KLRF2: variants seen among roughly 807,000 people sequenced by gnomAD.
The protein encoded by KLRF2 is killer cell lectin like receptor F2.
KLRF2 carries 28 observed loss-of-function variants against 25.3 expected under a neutral mutation model. The observed-to-expected ratio is 1.11, with a 90% CI of 0.82 to 1.52. KLRF2 has a LOEUF of 1.52. KLRF2 is among the 40% of genes most tolerant of loss of function. The pLI is 0.00. For missense variants in KLRF2, 265 were observed against 245.8 expected (o/e 1.08, Z -0.52); for synonymous variants, 73 against 85.0 (o/e 0.86, Z 0.78).
At chr12:9,886,086 A>G (rs1482906764) in intron 2 of KLRF2, among the ~76,000 whole-genome samples, 1 of 152,188 alleles carries the variant, frequency 6.6e-6, no homozygotes, top group African/African-American at 2.4e-5. Flanking sequence ...TGCAATAATT[A>G]TTCTTTTAAA....
intron 5 of KLRF2, among the ~76,000 whole-genome samples, chr12:9,895,435 C>T (rs1029250847): frequency 2.6e-5 from 4 of 152,052 alleles, no homozygotes; most frequent in Non-Finnish European, 5.9e-5. Flanking sequence ...GTCTTGCAGG[C>T]GTAGATAATG....
At position 9,885,711 on chromosome 12, in the gene KLRF2, A is replaced by C. The variant is rs527985359; in HGVS notation, c.169+679A>C. On this transcript the variant is annotated intron_variant, in intron 2 of 5. Coordinates refer to ENST00000535540, the MANE Select transcript of KLRF2 (RefSeq NM_001190765.1). ...CAAGGGAAAATATCAGACTTTTCTC[A>C]GACCAAAGATATATCCTACTTAATG... is the stretch of plus-strand genomic sequence containing the variant. 5.3e-5 allele frequency among the ~76,000 whole-genome samples: 8 copies of C among 152,154 alleles called. No individual in the cohort carries two copies. The East Asian group carries it at 1.5e-3, about 29-fold the overall frequency.
At chr12:9,889,048 A>ATT in intron 3 of KLRF2, among the ~76,000 whole-genome samples, 1 of 152,200 alleles carries the variant, frequency 6.6e-6, no homozygotes, top group Non-Finnish European at 1.5e-5. Context: ...TGCCATACCT[A>ATT]ACTTGCCAAA....
intron 5 of KLRF2, among the ~76,000 whole-genome samples, chr12:9,893,842 A>G (rs1269005883): frequency 6.6e-6 from 1 of 152,150 alleles, no homozygotes; most frequent in Non-Finnish European, 1.5e-5. Context: ...AAGCTGATTT[A>G]AATCTCATTT....
chr12:9,893,654 C>G (rs570406748), intron 5 of KLRF2, 113 bp downstream of exon 5: 2 of 439,778 alleles, frequency 4.5e-6, no homozygotes, highest in South Asian at 1.6e-4. Context: ...CTTATCTTTA[C>G]ATTTTTTTCT....
chr12:9,887,022 CATAA>C (rs1466382478), intron 2 of KLRF2, among the ~76,000 whole-genome samples: 1 of 151,276 alleles, frequency 6.6e-6, no homozygotes, highest in Non-Finnish European at 1.5e-5. Flanking sequence ...AGAAAAAAAA[CATAA>C]ATAAATATAA....
intron 1 of KLRF2, among the ~76,000 whole-genome samples, chr12:9,881,984 T>C (rs1220501088): frequency 6.6e-6 from 1 of 152,042 alleles, no homozygotes; most frequent in Non-Finnish European, 1.5e-5. Flanking sequence ...TTAAAGTTTA[T>C]ATAAACTTAA....
intron 2 of KLRF2, 64 bp from the exon 3 acceptor site, chr12:9,888,669 C>G: frequency 1.1e-6 from 1 of 922,424 alleles, no homozygotes; most frequent in Non-Finnish European, 1.7e-6. Flanking sequence ...ACTTTATTCT[C>G]ATGTACCTAG....
rs760055724 is a variant in KLRF2, at chr12:9,895,824, T to C, written c.615T>C (p.Ser205=). 1.1e-5 allele frequency: 17 copies of C among 1,532,030 alleles called. No homozygotes were observed. Among genetic ancestry groups the C allele is most frequent in the Non-Finnish European group, 1.3e-5 (15 of 1,145,618 alleles). The allele number at this position is 1,532,030 out of a possible 1,614,324, so 94.9% of individuals were successfully genotyped here. A position where few individuals can be genotyped will look rare whatever the true frequency, so the allele number is the denominator to read the frequency against. The change falls in exon 6 of 6, where the codon AGT becomes AGC. Residue 205 remains serine, a synonymous_variant. Coordinates refer to ENST00000535540, the MANE Select transcript of KLRF2 (RefSeq NM_001190765.1). ...RDAILTHNGT[S]GV ...CGATCTTGACGCACAATGGAACCAG[T>C]GGTGTGTAAATGTACAACCAAACAT...
At chr12:9,890,783 A>G (rs774384971) in intron 3 of KLRF2, among the ~76,000 whole-genome samples, 1 of 152,174 alleles carries the variant, frequency 6.6e-6, no homozygotes, top group Non-Finnish European at 1.5e-5. Flanking sequence ...ATTTCGTCAT[A>G]TTCACAGGTC....
chr12:9,891,456 G>T (rs1424593697), intron 3 of KLRF2, among the ~76,000 whole-genome samples: 2 of 151,948 alleles, frequency 1.3e-5, no homozygotes, highest in Non-Finnish European at 2.9e-5. Context: ...ATTGTGTCTG[G>T]CAGCACTCCA....
intron 5 of KLRF2, among the ~76,000 whole-genome samples, chr12:9,894,048 T>A (rs1377544020): frequency 6.6e-6 from 1 of 151,872 alleles, no homozygotes; most frequent in African/African-American, 2.4e-5. Flanking sequence ...TTTTCTTTCT[T>A]TCTTTCTCTT....
rs1055444896 is a variant in KLRF2, at chr12:9,890,938, CT to C, written c.218-2075del. 3.3e-5 allele frequency among the ~76,000 whole-genome samples: 5 copies of C among 151,980 alleles called. No homozygotes were observed. The East Asian group carries it at 5.8e-4, about 18-fold the overall frequency. The stretch of plus-strand genomic sequence containing the variant: ...CCTCTAATAGTCAGCATTAAAATGT[CT>C]TTTTTTCTTTTCATTTGATTTCTTA... On this transcript the variant is annotated intron_variant, in intron 3 of 5. Transcript: ENST00000535540.
At chr12:9,893,210 G>A (rs1415681073) in intron 4 of KLRF2, 42 bp downstream of exon 4, 20 of 1,506,588 alleles carry the variant, frequency 1.3e-5, no homozygotes, top group Non-Finnish European at 1.8e-5. Flanking sequence ...AAGGAAAAAT[G>A]GCTTAGGTGC....
At chr12:9,894,859 A>C (rs1862739120) in intron 5 of KLRF2, among the ~76,000 whole-genome samples, 1 of 152,026 alleles carries the variant, frequency 6.6e-6, no homozygotes, top group Non-Finnish European at 1.5e-5. Context: ...TATTATAATT[A>C]ATATTATTTT....
chr12:9,887,814 G>T (rs142834244), intron 2 of KLRF2, among the ~76,000 whole-genome samples: 197 of 150,880 alleles, frequency 1.3e-3, no homozygotes, highest in African/African-American at 4.7e-3. Flanking sequence ...CACTTTGGGA[G>T]GCCAAGGCAG....
At position 9,890,967 on chromosome 12, in the gene KLRF2, A is replaced by G. The variant is rs1223606073; in HGVS notation, c.218-2053A>G. Among the ~76,000 whole-genome samples the G allele has an allele frequency of 2.6e-5, 4 of 152,036 alleles. 1 individual carries two copies. In the East Asian group the frequency reaches 7.7e-4, roughly 29 times the overall value. ...TTTTCTTTTCATTTGATTTCTTAGA[A>G]TTATAATCAAAGACTTTAATTGCAT... On this transcript the variant is annotated intron_variant, in intron 3 of 5. Transcript: ENST00000535540.
intron 2 of KLRF2, 45 bp from the exon 3 acceptor site, chr12:9,888,688 T>C: frequency 8.9e-7 from 1 of 1,126,522 alleles, no homozygotes; most frequent in Middle Eastern, 1.9e-4. Flanking sequence ...AGATTGCTAT[T>C]GATTTTTAAA....
chr12:9,891,520 C>A (rs1487515954), intron 3 of KLRF2, among the ~76,000 whole-genome samples: 1 of 152,128 alleles, frequency 6.6e-6, no homozygotes, highest in Non-Finnish European at 1.5e-5. Context: ...TTATTTCATC[C>A]AAGTGGCACA....
Sources: allele counts gnomAD v4.1 joint callset (sites outside exome capture counted in the v4.1 genomes callset), GRCh38; gene constraint gnomAD v4.1.1; transcripts MANE v1.5; gene names NCBI Gene and HGNC (gene_info 2026-07-23, HGNC 2026-07-21).